The following EXOC6B variants were observed in gnomAD, a reference collection of about 807,000 sequenced individuals.
The protein encoded by EXOC6B is exocyst complex component 6B, also known as SEC15 homolog B.
A neutral mutation model predicts 113.5 loss-of-function variants in EXOC6B; 54 were observed. The ratio of observed to expected loss-of-function variants is 0.48; its 90% confidence interval spans 0.38 to 0.60. The LOEUF is 0.60. Among genes scored for constraint, EXOC6B ranks in the 20% least tolerant of loss-of-function variants. The probability of loss-of-function intolerance (pLI) is 0.00; values close to 1 mark genes in which losing one functional copy is unlikely to be tolerated. For missense variants in EXOC6B, 797 were observed against 977.5 expected (o/e 0.82, Z 2.46); for synonymous variants, 357 against 339.0 (o/e 1.05, Z -0.58).
intron 20 of EXOC6B, among the ~76,000 whole-genome samples, chr2:72,294,871 T>C (rs905492065): frequency 3.3e-5 from 5 of 152,214 alleles, no homozygotes; most frequent in African/African-American, 1.2e-4. Context: ...TGTTCCTTAT[T>C]TTTAAGTATT....
At chr2:72,757,958 C>T (rs551800786) in intron 1 of EXOC6B, among the ~76,000 whole-genome samples, 39 of 152,052 alleles carry the variant, frequency 2.6e-4, no homozygotes, top group African/African-American at 7.5e-4. Flanking sequence ...CCAAGGATTT[C>T]GCAACCAGCC....
chr2:72,473,901 T>A (rs1161099409), intron 17 of EXOC6B, among the ~76,000 whole-genome samples: 1 of 152,154 alleles, frequency 6.6e-6, no homozygotes, highest in Admixed American at 6.5e-5. Flanking sequence ...ACTCACTATT[T>A]CCAAGTTTAG....
rs138012080 is a variant in EXOC6B, at chr2:72,456,016, C to A, written c.1980+9144G>T. On this transcript the variant is annotated intron_variant, in intron 18 of 21. Transcript: ENST00000272427. ...ATTGATTAATTTTCTGACCTCTGGGCAAGACCCTGTTAGGCCTCAGCTTCC... is the reference window on the plus strand; with the variant it reads ...ATTGATTAATTTTCTGACCTCTGGGAAAGACCCTGTTAGGCCTCAGCTTCC... Among the ~76,000 whole-genome samples the A allele has an allele frequency of 2.8e-3, 423 of 152,122 alleles. 3 individuals carry two copies. Among genetic ancestry groups the A allele is most frequent in the African/African-American group, 8.9e-3 (371 of 41,532 alleles).
At chr2:72,544,842 T>C (rs1350349666) in intron 8 of EXOC6B, among the ~76,000 whole-genome samples, 1 of 152,090 alleles carries the variant, frequency 6.6e-6, no homozygotes, top group Non-Finnish European at 1.5e-5. Context: ...AAAGTATTGG[T>C]TCCCTATCTT....
intron 8 of EXOC6B, among the ~76,000 whole-genome samples, chr2:72,550,915 TTTTA>T (rs1703180010): frequency 1.3e-5 from 2 of 148,964 alleles, no homozygotes; most frequent in African/African-American, 5.1e-5. Context: ...TTTATTTTTT[TTTTA>T]TTTTTTTTTT....
At chr2:72,806,877 T>C (rs180773065) in intron 1 of EXOC6B, among the ~76,000 whole-genome samples, 22 of 152,340 alleles carry the variant, frequency 1.4e-4, no homozygotes, top group Non-Finnish European at 1.8e-4. Flanking sequence ...TGAATGGGGT[T>C]TTGCTTTTTG....
At chr2:72,228,950 T>C (rs1479678087) in intron 20 of EXOC6B, among the ~76,000 whole-genome samples, 2 of 152,200 alleles carry the variant, frequency 1.3e-5, no homozygotes, top group Non-Finnish European at 2.9e-5. Context: ...TTTTTAATGA[T>C]CGCTATTCTA....
At chr2:72,624,563 G>A (rs1239677718) in intron 6 of EXOC6B, among the ~76,000 whole-genome samples, 3 of 152,100 alleles carry the variant, frequency 2.0e-5, no homozygotes, top group Admixed American at 2.0e-4. Flanking sequence ...CAACAACATA[G>A]CAAGATCACC....
At chr2:72,185,124 G>C (rs964990550) in intron 20 of EXOC6B, among the ~76,000 whole-genome samples, 2 of 152,246 alleles carry the variant, frequency 1.3e-5, no homozygotes, top group African/African-American at 4.8e-5. Context: ...AAAGCTTCTA[G>C]AAGGGGCACA....
chr2:72,645,758 A>T (rs897524718), intron 6 of EXOC6B, among the ~76,000 whole-genome samples: 1 of 152,234 alleles, frequency 6.6e-6, no homozygotes, highest in African/African-American at 2.4e-5. Flanking sequence ...ACAAAGACAC[A>T]ACATACCAGA....
intron 8 of EXOC6B, among the ~76,000 whole-genome samples, chr2:72,520,855 TG>T (rs2105714043): frequency 6.6e-6 from 1 of 152,318 alleles, no homozygotes; most frequent in East Asian, 1.9e-4. Flanking sequence ...TGCTCTTGTA[TG>T]GCACTATTAT....
intron 18 of EXOC6B, among the ~76,000 whole-genome samples, chr2:72,460,541 G>C (rs1224463528): frequency 6.6e-6 from 1 of 152,114 alleles, no homozygotes; most frequent in East Asian, 1.9e-4. Flanking sequence ...TCAAAAAGTG[G>C]GTGAAAGACA....
chr2:72,601,705 A>C (rs969004382), intron 6 of EXOC6B, among the ~76,000 whole-genome samples: 5 of 152,156 alleles, frequency 3.3e-5, no homozygotes, highest in Non-Finnish European at 7.3e-5. Flanking sequence ...TTATGTCCAC[A>C]AAAAAACCTG....
chr2:72,478,323 A>T (rs1361343265), intron 17 of EXOC6B, among the ~76,000 whole-genome samples: 1 of 152,144 alleles, frequency 6.6e-6, no homozygotes, highest in Non-Finnish European at 1.5e-5. Context: ...ATAAGAGGGA[A>T]CTCTGCAAGA....
intron 18 of EXOC6B, among the ~76,000 whole-genome samples, chr2:72,441,990 G>C (rs1181187382): frequency 6.6e-6 from 1 of 152,180 alleles, no homozygotes; most frequent in Non-Finnish European, 1.5e-5. Context: ...GAACATTGAT[G>C]CAAAAATCCT....
At chr2:72,322,645 T>C (rs1409449309) in intron 20 of EXOC6B, among the ~76,000 whole-genome samples, 2 of 152,098 alleles carry the variant, frequency 1.3e-5, no homozygotes, top group African/African-American at 2.4e-5. Flanking sequence ...AACAGATATA[T>C]AGACCAATGG....
chr2:72,472,429 C>T (rs1698469935), intron 17 of EXOC6B, among the ~76,000 whole-genome samples: 1 of 152,146 alleles, frequency 6.6e-6, no homozygotes, highest in South Asian at 2.1e-4. Context: ...CTGATTCAAT[C>T]TTAGTAGGTT....
intron 20 of EXOC6B, among the ~76,000 whole-genome samples, chr2:72,262,017 G>A (rs537438296): frequency 1.3e-5 from 2 of 152,188 alleles, no homozygotes; most frequent in Admixed American, 1.3e-4. Flanking sequence ...TGGCAGAGAT[G>A]GAAATAGGAC....
intron 6 of EXOC6B, among the ~76,000 whole-genome samples, chr2:72,628,200 C>T (rs1029872777): frequency 6.6e-6 from 1 of 151,364 alleles, no homozygotes; most frequent in African/African-American, 2.4e-5. Flanking sequence ...TCATAGCTCA[C>T]TACTGCCTCA....
Sources: gnomAD v4.1 joint callset for allele counts (sites outside exome capture counted in the v4.1 genomes callset) on GRCh38, gnomAD v4.1.1 for gene constraint, MANE v1.5 for transcripts, NCBI Gene and HGNC (gene_info 2026-07-23, HGNC 2026-07-21) for gene names.